Variants in HS3ST5 observed in about 807,000 individuals in gnomAD.
HS3ST5 encodes the protein heparan sulfate glucosamine 3-O-sulfotransferase 5.
Under a neutral mutation model 25.4 loss-of-function variants are expected in HS3ST5, and 10 were observed. That is an observed-to-expected ratio of 0.39 (90% CI 0.24 to 0.67). The LOEUF is 0.67. HS3ST5 is among the 30% of genes least tolerant of loss of function. The probability of loss-of-function intolerance (pLI) is 0.44; values close to 1 mark genes in which losing one functional copy is unlikely to be tolerated. For synonymous variants in HS3ST5, 170 were observed against 162.4 expected (o/e 1.05, Z -0.36); for missense variants, 324 against 420.7 (o/e 0.77, Z 2.01).
At chr6:114,186,491 A>G (rs1272514739) in intron 2 of HS3ST5, among the ~76,000 whole-genome samples, 1 of 152,186 alleles carries the variant, frequency 6.6e-6, no homozygotes, top group African/African-American at 2.4e-5. Context: ...CTAACTGTTT[A>G]ATTCTATGAA....
At chr6:114,339,340 G>GACCA (rs1776733567) in intron 1 of HS3ST5, among the ~76,000 whole-genome samples, 1 of 152,078 alleles carries the variant, frequency 6.6e-6, no homozygotes, top group African/African-American at 2.4e-5. Context: ...ACAATAAATA[G>GACCA]ACCATCCTGC....
chr6:114,330,682 C>CT (rs1361439314), intron 1 of HS3ST5, among the ~76,000 whole-genome samples: 2 of 152,160 alleles, frequency 1.3e-5, no homozygotes, highest in Non-Finnish European at 2.9e-5. Context: ...ATCAGTCTCC[C>CT]TTTTTTCTAC....
chr6:114,302,379 A>G (rs1408841250), intron 1 of HS3ST5, among the ~76,000 whole-genome samples: 1 of 152,200 alleles, frequency 6.6e-6, no homozygotes, highest in Non-Finnish European at 1.5e-5. Context: ...GTCATAGTTA[A>G]GTTTATTAAT....
chr6:114,109,479 G>A (rs1011088570), intron 3 of HS3ST5, among the ~76,000 whole-genome samples: 10 of 152,152 alleles, frequency 6.6e-5, no homozygotes, highest in Admixed American at 5.9e-4. Context: ...CCAAAATCCA[G>A]TAGCTCTGGA....
rs577618478 is a variant in HS3ST5 at position 114,056,946 on chromosome 6, G to A, written c.*311C>T. ...TTTGGCTTAAATCTATGAAAATGGC[G>A]GGTGACAAATTCTGAATCAAAGGAA... On this transcript the variant is annotated 3_prime_UTR_variant, in exon 5 of 5. Coordinates refer to ENST00000312719, the MANE Select transcript of HS3ST5 (RefSeq NM_153612.4). The A allele has an allele frequency of 1.1e-4, 26 of 242,872 alleles. No individual in the cohort carries two copies. Among genetic ancestry groups the A allele is most frequent in the East Asian group, 7.2e-4 (9 of 12,466 alleles). The allele number at this position is 242,872 out of a possible 1,614,324, so 15.0% of individuals were successfully genotyped here. A position where few individuals can be genotyped will look rare whatever the true frequency, so the allele number is the denominator to read the frequency against.
intron 3 of HS3ST5, among the ~76,000 whole-genome samples, chr6:114,106,236 C>T (rs1164448839): frequency 1.3e-5 from 2 of 152,036 alleles, no homozygotes; most frequent in Non-Finnish European, 2.9e-5. Flanking sequence ...CATTATCATC[C>T]ATCATATGAC....
At chr6:114,302,442 T>C (rs1256774794) in intron 1 of HS3ST5, among the ~76,000 whole-genome samples, 1 of 152,152 alleles carries the variant, frequency 6.6e-6, no homozygotes, top group African/African-American at 2.4e-5. Context: ...CAAGCACATA[T>C]GCAAAATTAA....
At chr6:114,140,654 T>A (rs1777858184) in intron 3 of HS3ST5, among the ~76,000 whole-genome samples, 2 of 152,218 alleles carry the variant, frequency 1.3e-5, no homozygotes, top group Non-Finnish European at 2.9e-5. Context: ...CATGTTCAGA[T>A]CTGCTCCAAC....
chr6:114,226,657 T>A (rs895591642), intron 2 of HS3ST5, among the ~76,000 whole-genome samples: 4 of 152,006 alleles, frequency 2.6e-5, no homozygotes, highest in Non-Finnish European at 4.4e-5. Context: ...ACTTTATGTT[T>A]CTATGATTCT....
intron 3 of HS3ST5, among the ~76,000 whole-genome samples, chr6:114,139,573 C>T (rs1430209913): frequency 6.6e-6 from 1 of 151,814 alleles, no homozygotes; most frequent in African/African-American, 2.4e-5. Flanking sequence ...AGGAAGGAGA[C>T]AACAAGATTC....
intron 3 of HS3ST5, among the ~76,000 whole-genome samples, chr6:114,067,706 C>G (rs1742612966): frequency 6.6e-6 from 1 of 152,170 alleles, no homozygotes; most frequent in Admixed American, 6.5e-5. Flanking sequence ...ACTGCCCCGT[C>G]TGGTTATGGC....
chr6:114,090,559 A>G (rs1381277034), intron 3 of HS3ST5, among the ~76,000 whole-genome samples: 1 of 152,186 alleles, frequency 6.6e-6, no homozygotes, highest in South Asian at 2.1e-4. Flanking sequence ...GAGTGTTACT[A>G]TGGGTATGCT....
rs745432479 is a variant in HS3ST5, at chr6:114,280,910, G to A, written c.-338-52132C>T. The stretch of plus-strand genomic sequence containing the variant: ...TGCAATCTGTAAATGTAAGCTTCAC[G>A]TCAATGGGTTTGTGGTACCTTTTGA... On this transcript the variant is annotated intron_variant, in intron 1 of 4. Coordinates refer to ENST00000312719, the MANE Select transcript of HS3ST5 (RefSeq NM_153612.4). 5.3e-5 allele frequency among the ~76,000 whole-genome samples: 8 copies of A among 152,086 alleles called. No individual in the cohort carries two copies. In the East Asian group the frequency reaches 5.8e-4, roughly 11 times the overall value.
intron 1 of HS3ST5, among the ~76,000 whole-genome samples, chr6:114,290,872 G>GGGGAA (rs780725488): frequency 7.2e-5 from 11 of 151,914 alleles, no homozygotes; most frequent in Admixed American, 2.6e-4. Context: ...AACCCTTGTG[G>GGGGAA]GGGAAAACTG....
rs537903718 is a variant in HS3ST5, at chr6:114,126,339, T to G, written c.-33+42012A>C. ...ACACGAAGTCCAACTTGACTCCTTT[T>G]CCCAGCCATTTGCCTCAAGGTGTCC... On this transcript the variant is annotated intron_variant, in intron 3 of 4. Coordinates refer to ENST00000312719, the MANE Select transcript of HS3ST5 (RefSeq NM_153612.4). Among the ~76,000 whole-genome samples the G allele has an allele frequency of 3.3e-5, 5 of 152,278 alleles. No individual in the cohort carries two copies. In the South Asian group the frequency reaches 1.0e-3, roughly 32 times the overall value.
intron 1 of HS3ST5, among the ~76,000 whole-genome samples, chr6:114,330,181 A>C (rs541972371): frequency 6.6e-6 from 1 of 152,320 alleles, no homozygotes; most frequent in Non-Finnish European, 1.5e-5. Context: ...AAGAAAGAAC[A>C]CATTAAATAG....
intron 1 of HS3ST5, among the ~76,000 whole-genome samples, chr6:114,274,032 G>A (rs958153445): frequency 6.6e-6 from 1 of 152,048 alleles, no homozygotes; most frequent in Non-Finnish European, 1.5e-5. Context: ...GTAACATGAA[G>A]AGGGGAGAAC....
Position 114,276,617 on chromosome 6 carries a change from AAAAAAC to A in HS3ST5, c.-338-47845_-338-47840del, listed in dbSNP as rs1411900937. On this transcript the variant is annotated intron_variant, in intron 1 of 4. Coordinates refer to ENST00000312719, the MANE Select transcript of HS3ST5 (RefSeq NM_153612.4). ...AAAAGCTATGAGAGTGTGGGAAAAA[AAAAAAC>A]AAAAAAACAAAAAAACTCTCAAATT... 9.7e-5 allele frequency among the ~76,000 whole-genome samples: 14 copies of A among 144,848 alleles called. No individual in the cohort carries two copies. The Admixed American group carries it at 1.2e-3, about 12-fold the overall frequency.
intron 2 of HS3ST5, among the ~76,000 whole-genome samples, chr6:114,218,551 G>C (rs1781877992): frequency 6.6e-6 from 1 of 152,132 alleles, no homozygotes; most frequent in South Asian, 2.1e-4. Flanking sequence ...TAGTTGAAAG[G>C]TTACTAAGCT....
Sources: allele counts gnomAD v4.1 joint callset (sites outside exome capture counted in the v4.1 genomes callset), GRCh38; gene constraint gnomAD v4.1.1; transcripts MANE v1.5; gene names NCBI Gene and HGNC (gene_info 2026-07-23, HGNC 2026-07-21).